RGS6: variants seen among roughly 807,000 people sequenced by gnomAD.
RGS6 encodes the protein regulator of G-protein signaling 6.
In RGS6, 30 loss-of-function variants were observed where a neutral mutation model predicts 78.5. That is an observed-to-expected ratio of 0.38 (90% CI 0.29 to 0.52). The LOEUF is 0.52. RGS6 is among the 20% of genes least tolerant of loss of function. RGS6 has a pLI of 0.85. For synonymous variants in RGS6, 206 were observed against 206.0 expected (o/e 1.00, Z 0.00); for missense variants, 495 against 609.7 (o/e 0.81, Z 1.98).
intron 2 of RGS6, among the ~76,000 whole-genome samples, chr14:72,222,137 A>G (rs917841720): frequency 1.3e-5 from 2 of 152,214 alleles, no homozygotes; most frequent in African/African-American, 4.8e-5. Context: ...TAATACATTT[A>G]CATAGACGAT....
At chr14:72,509,774 T>A (rs996965407) in intron 13 of RGS6, among the ~76,000 whole-genome samples, 2 of 152,172 alleles carry the variant, frequency 1.3e-5, no homozygotes, top group Admixed American at 1.3e-4. Flanking sequence ...GGATAGTGTG[T>A]TTTGATGAAA....
At chr14:72,542,113 A>AAAAAAAAAAAAC (rs375561739) in intron 17 of RGS6, among the ~76,000 whole-genome samples, 21 of 152,194 alleles carry the variant, frequency 1.4e-4, no homozygotes, top group African/African-American at 4.6e-4. Context: ...ATTAAAAAAA[A>AAAAAAAAAAAAC]CTAAATTCCT....
At chr14:72,273,253 G>T (rs1413777224) in intron 2 of RGS6, among the ~76,000 whole-genome samples, 1 of 152,144 alleles carries the variant, frequency 6.6e-6, no homozygotes, top group Non-Finnish European at 1.5e-5. Flanking sequence ...TGCATTATGG[G>T]TAAGAAACTT....
At chr14:72,462,932 G>A (rs1000880621) in intron 6 of RGS6, among the ~76,000 whole-genome samples, 3 of 152,216 alleles carry the variant, frequency 2.0e-5, no homozygotes, top group Non-Finnish European at 4.4e-5. Flanking sequence ...CCTAGTTTAG[G>A]AGATTGAGGT....
the RGS6 span, among the ~76,000 whole-genome samples, chr14:71,881,275 G>A: frequency 6.6e-6 from 1 of 152,184 alleles, no homozygotes; most frequent in Non-Finnish European, 1.5e-5. Context: ...ACTTTGGACT[G>A]TGGACTTTTG....
chr14:72,056,701 G>A (rs1385075414), intron 2 of RGS6, among the ~76,000 whole-genome samples: 2 of 152,160 alleles, frequency 1.3e-5, no homozygotes, highest in African/African-American at 2.4e-5. Context: ...CACAGAGTGA[G>A]GACTTTACCA....
chr14:71,981,279 G>A lies in RGS6; in HGVS notation c.84+16404G>A, dbSNP rs954269795. Among the ~76,000 whole-genome samples the A allele has an allele frequency of 2.7e-4, 41 of 152,242 alleles. 1 individual carries two copies. The highest frequency in any genetic ancestry group is 1.2e-3 in the East Asian group (6 of 5,188). ...TCTCAGCTCATCAAAGTCATTCTCC[G>A]TCCAGCTTTGTTCCGTTGCTGGTGA... On this transcript the variant is annotated intron_variant, in intron 2 of 17. Coordinates refer to ENST00000553525, the MANE Select transcript of RGS6 (RefSeq NM_001204424.2).
intron 2 of RGS6, among the ~76,000 whole-genome samples, chr14:72,335,562 G>T (rs1008243308): frequency 6.6e-6 from 1 of 152,138 alleles, no homozygotes; most frequent in African/African-American, 2.4e-5. Context: ...AGGGCCAGGG[G>T]CTGCAGTCTT....
chr14:71,948,740 C>CTTTTTTT (rs71305831), intron 1 of RGS6, among the ~76,000 whole-genome samples: 1 of 65,180 alleles, frequency 1.5e-5, no homozygotes, highest in African/African-American at 7.1e-5. Context: ...CTCTCTCTCT[C>CTTTTTTT]TTTTTTTTTT....
intron 2 of RGS6, among the ~76,000 whole-genome samples, chr14:72,132,701 T>C (rs2096352343): frequency 6.6e-6 from 1 of 152,154 alleles, no homozygotes; most frequent in Non-Finnish European, 1.5e-5. Flanking sequence ...TGAAGTTACT[T>C]GACTCTGGTT....
chr14:72,099,222 C>T (rs563467514), intron 2 of RGS6, among the ~76,000 whole-genome samples: 4 of 152,140 alleles, frequency 2.6e-5, no homozygotes, highest in African/African-American at 4.8e-5. Flanking sequence ...TGCAGTGGTG[C>T]GATCTCGGCT....
rs533264259 is a variant in RGS6 at position 72,288,041 on chromosome 14, C to T, written c.85-64054C>T. ...ATCTATGTTCATCAGGGATATTCGC[C>T]TATAGTTTTCTTTTCTTGTAGTGTC... On this transcript the variant is annotated intron_variant, in intron 2 of 17. Coordinates refer to ENST00000553525, the MANE Select transcript of RGS6 (RefSeq NM_001204424.2). 2.6e-5 allele frequency among the ~76,000 whole-genome samples: 4 copies of T among 152,170 alleles called. No individual in the cohort carries two copies. The East Asian group carries it at 7.7e-4, about 29-fold the overall frequency.
chr14:72,329,987 G>A (rs1371593276), intron 2 of RGS6, among the ~76,000 whole-genome samples: 2 of 152,200 alleles, frequency 1.3e-5, no homozygotes, highest in Non-Finnish European at 2.9e-5. Context: ...AGCCTCCTCC[G>A]TGGTGAACTA....
chr14:72,395,315 C>CAT (rs1235290931), intron 3 of RGS6, among the ~76,000 whole-genome samples: 1 of 152,032 alleles, frequency 6.6e-6, no homozygotes, highest in Non-Finnish European at 1.5e-5. Context: ...ATTATGTAGG[C>CAT]ATATATATGT....
chr14:72,485,272 C>G (rs1352116333), intron 12 of RGS6, among the ~76,000 whole-genome samples: 5 of 152,060 alleles, frequency 3.3e-5, no homozygotes, highest in Non-Finnish European at 5.9e-5. Flanking sequence ...CCACTCACAC[C>G]CAGCGGTTGG....
the RGS6 span, among the ~76,000 whole-genome samples, chr14:72,592,135 T>C: frequency 6.6e-6 from 1 of 152,262 alleles, no homozygotes; most frequent in South Asian, 2.1e-4. Flanking sequence ...AAGAAGCCAA[T>C]AAGGAGGAGA....
intron 2 of RGS6, among the ~76,000 whole-genome samples, chr14:72,121,483 T>A (rs2153570704): frequency 6.6e-6 from 1 of 152,302 alleles, no homozygotes; most frequent in South Asian, 2.1e-4. Context: ...TGGAGGCTCA[T>A]CTGCACAGAC....
chr14:72,402,790 GT>G (rs1167831473), intron 3 of RGS6, among the ~76,000 whole-genome samples: 10,391 of 75,916 alleles, frequency 0.14, 100 homozygotes, highest in South Asian at 0.19. Flanking sequence ...TGTTTTTTTG[GT>G]TTTTTTTTTT....
chr14:72,201,285 A>G (rs949800046), intron 2 of RGS6, among the ~76,000 whole-genome samples: 1 of 152,184 alleles, frequency 6.6e-6, no homozygotes, highest in Non-Finnish European at 1.5e-5. Context: ...CCTGTTTCTT[A>G]TGTGTTCTGT....
Sources: gnomAD v4.1 joint callset for allele counts (sites outside exome capture counted in the v4.1 genomes callset) on GRCh38, gnomAD v4.1.1 for gene constraint, MANE v1.5 for transcripts, NCBI Gene and HGNC (gene_info 2026-07-23, HGNC 2026-07-21) for gene names.